Variants in MSI2 observed in about 807,000 individuals in gnomAD.
MSI2 encodes musashi RNA binding protein 2.
Under a neutral mutation model 45.6 loss-of-function variants are expected in MSI2, and 17 were observed. That is an observed-to-expected ratio of 0.37 (90% confidence interval 0.26 to 0.56). The LOEUF (loss-of-function observed/expected upper bound fraction) is 0.56. Among genes scored for constraint, MSI2 ranks in the 20% least tolerant of loss-of-function variants. The pLI, the probability that MSI2 is intolerant of heterozygous loss-of-function variation, is 0.77. For missense variants in MSI2, 293 were observed against 444.2 expected (o/e 0.66, Z 3.06); for synonymous variants, 156 against 158.2 (o/e 0.99, Z 0.11).
intron 11 of MSI2, among the ~76,000 whole-genome samples, chr17:57,660,501 A>G (rs941803765): frequency 6.6e-6 from 1 of 152,252 alleles, no homozygotes; most frequent in African/African-American, 2.4e-5. Context: ...CTGGAAGTTC[A>G]TGGATAAATA....
In MSI2 at chr17:57,683,035, G is replaced by C. The variant is rs554133813; in HGVS notation, c.*3518G>C. ...CGCGCTCTATACCAAACAGCCTCGC[G>C]CTCTATCCCAGTCGCCCATTAGCTT... On this transcript the variant is annotated 3_prime_UTR_variant, in exon 14 of 14. Transcript: ENST00000284073. This position sits in a 1 kb window ranked among gnomAD's most constrained non-coding sequence, Gnocchi z 5.2. 3 of 229,682 alleles carry C rather than the reference G, an allele frequency of 1.3e-5. No individual in the cohort carries two copies. The highest frequency in any genetic ancestry group is 6.7e-5 in the African/African-American group (3 of 45,086). 14.2% of individuals were successfully genotyped at this position (229,682 alleles called of 1,614,324 possible).
At chr17:57,602,267 C>A (rs191964881) in intron 8 of MSI2, among the ~76,000 whole-genome samples, 16 of 151,544 alleles carry the variant, frequency 1.1e-4, no homozygotes, top group African/African-American at 3.2e-4. Flanking sequence ...ATTTTATGTG[C>A]GGCTGAAGAC....
At chr17:57,428,448 A>G (rs577386730) in intron 6 of MSI2, among the ~76,000 whole-genome samples, 5 of 152,020 alleles carry the variant, frequency 3.3e-5, no homozygotes, top group Admixed American at 6.6e-5. Context: ...GGCTGGACCC[A>G]TGCTGGAGTG....
chr17:57,266,314 C>G (rs1907765219), intron 5 of MSI2: 1 of 152,168 alleles, frequency 6.6e-6, no homozygotes, highest in African/African-American at 2.4e-5. Context: ...TGGCATAAAA[C>G]AGCACTCCGC....
chr17:57,365,428 C>T (rs905551426), intron 5 of MSI2, among the ~76,000 whole-genome samples: 2 of 152,176 alleles, frequency 1.3e-5, no homozygotes, highest in Non-Finnish European at 2.9e-5. Context: ...TGAAGGAAGA[C>T]ACTATTCCTG....
intron 7 of MSI2, among the ~76,000 whole-genome samples, chr17:57,556,934 T>A (rs1221620940): frequency 6.6e-6 from 1 of 152,200 alleles, no homozygotes; most frequent in East Asian, 1.9e-4. Context: ...TAATGCATGC[T>A]GTCATGGCCA....
chr17:57,396,934 C>T (rs1310746667), intron 5 of MSI2, among the ~76,000 whole-genome samples: 1 of 152,168 alleles, frequency 6.6e-6, no homozygotes, highest in African/African-American at 2.4e-5. Flanking sequence ...TATCTGGTGT[C>T]TCTAATGGTG....
intron 8 of MSI2, among the ~76,000 whole-genome samples, chr17:57,614,701 G>A (rs927071347): frequency 2.0e-5 from 3 of 152,202 alleles, no homozygotes; most frequent in Non-Finnish European, 2.9e-5. Flanking sequence ...AACAATGCTT[G>A]TTAAATTTCT....
chr17:57,262,403 C>A, intron 5 of MSI2: 1 of 487,274 alleles, frequency 2.1e-6, no homozygotes, highest in South Asian at 4.0e-5. Context: ...CACCTGGGGG[C>A]AGGGACAAGT....
intron 6 of MSI2, among the ~76,000 whole-genome samples, chr17:57,405,636 T>C (rs939476535): frequency 5.3e-5 from 8 of 152,186 alleles, no homozygotes; most frequent in Non-Finnish European, 1.0e-4. Context: ...GATTCTTTAT[T>C]TGGAAAAAGC....
At chr17:57,277,533 C>T (rs1908982843) in intron 5 of MSI2, among the ~76,000 whole-genome samples, 1 of 152,198 alleles carries the variant, frequency 6.6e-6, no homozygotes, top group South Asian at 2.1e-4. Flanking sequence ...GTTTCGATTT[C>T]CCCATCTGTA....
At chr17:57,603,768 G>C (rs557227001) in intron 8 of MSI2, among the ~76,000 whole-genome samples, 1 of 152,370 alleles carries the variant, frequency 6.6e-6, no homozygotes, top group African/African-American at 2.4e-5. Flanking sequence ...AAAAACTCAT[G>C]GCAGCTGGGT....
At chr17:57,542,423 A>C (rs866007872) in intron 7 of MSI2, among the ~76,000 whole-genome samples, 1 of 152,150 alleles carries the variant, frequency 6.6e-6, no homozygotes, top group African/African-American at 2.4e-5. Flanking sequence ...TGGCTGAGAT[A>C]ATTTATCCCA....
intron 8 of MSI2, among the ~76,000 whole-genome samples, chr17:57,599,917 G>A (rs565335443): frequency 6.6e-6 from 1 of 152,326 alleles, no homozygotes; most frequent in African/African-American, 2.4e-5. Flanking sequence ...CAGGGTGCAA[G>A]CTTGATCTGT....
At chr17:57,480,886 T>C (rs2085635608) in intron 6 of MSI2, among the ~76,000 whole-genome samples, 1 of 152,168 alleles carries the variant, frequency 6.6e-6, no homozygotes, top group Non-Finnish European at 1.5e-5. Flanking sequence ...TGGCCCTAAA[T>C]ATGAGGAATA....
chr17:57,568,461 G>C (rs547423475), intron 7 of MSI2, among the ~76,000 whole-genome samples: 1 of 152,250 alleles, frequency 6.6e-6, no homozygotes, highest in South Asian at 2.1e-4. Flanking sequence ...AAAGACTCTC[G>C]TGCCTCTAGT....
intron 5 of MSI2, chr17:57,294,721 C>G (rs1464731263): frequency 1.3e-5 from 2 of 152,318 alleles, no homozygotes; most frequent in Non-Finnish European, 2.9e-5. Context: ...TCCCGAAGGA[C>G]TTGGCGACTT....
intron 6 of MSI2, among the ~76,000 whole-genome samples, chr17:57,510,420 G>A (rs1035446140): frequency 2.0e-5 from 3 of 150,134 alleles, no homozygotes; most frequent in Admixed American, 6.6e-5. Context: ...TTGTTTGTTT[G>A]TTTGTTTTGT....
At chr17:57,576,695 A>T (rs911016021) in intron 7 of MSI2, among the ~76,000 whole-genome samples, 1 of 151,012 alleles carries the variant, frequency 6.6e-6, no homozygotes, top group Non-Finnish European at 1.5e-5. Flanking sequence ...TGGAGGTTAC[A>T]GTGAGCTGAG....
Sources: gnomAD v4.1 joint callset for allele counts (sites outside exome capture counted in the v4.1 genomes callset) on GRCh38, gnomAD v4.1.1 for gene constraint, Gnocchi (gnomAD v3.1) non-coding constraint, MANE v1.5 for transcripts, NCBI Gene and HGNC (gene_info 2026-07-23, HGNC 2026-07-21) for gene names.